Variants in PKN2 observed in about 807,000 individuals in gnomAD.
PKN2 encodes the protein protein kinase N2.
Under a neutral mutation model 119.1 loss-of-function variants are expected in PKN2, and 38 were observed. That is an observed-to-expected ratio of 0.32 (90% confidence interval 0.25 to 0.42). The LOEUF is 0.42. PKN2 is among the 10% of genes least tolerant of loss of function. The probability of loss-of-function intolerance (pLI) is 1.00; values close to 1 mark genes in which losing one functional copy is unlikely to be tolerated. For missense variants in PKN2, 850 were observed against 1,165.1 expected (o/e 0.73, Z 3.94); for synonymous variants, 390 against 384.9 (o/e 1.01, Z -0.15).
At chr1:88,762,161 C>T (rs907994107) in intron 3 of PKN2, among the ~76,000 whole-genome samples, 1 of 152,090 alleles carries the variant, frequency 6.6e-6, no homozygotes, top group African/African-American at 2.4e-5. Flanking sequence ...GTCTTTAATC[C>T]ACAAAAGATT....
intron 2 of PKN2, among the ~76,000 whole-genome samples, chr1:88,754,398 A>C (rs1169801260): frequency 3.3e-5 from 5 of 152,178 alleles, no homozygotes; most frequent in Admixed American, 3.3e-4. Context: ...CAGAGGAAAA[A>C]CAGATGTGAA....
intron 1 of PKN2, among the ~76,000 whole-genome samples, chr1:88,729,962 G>A (rs1668071177): frequency 1.3e-5 from 2 of 152,046 alleles, no homozygotes; most frequent in Non-Finnish European, 2.9e-5. Context: ...TCAGGAGAGC[G>A]AGACCATCCG....
chr1:88,762,760 C>T (rs928495763), intron 3 of PKN2, among the ~76,000 whole-genome samples: 1 of 151,992 alleles, frequency 6.6e-6, no homozygotes, highest in South Asian at 2.1e-4. Flanking sequence ...CATTTAACTG[C>T]CAATAAAATC....
At chr1:88,766,863 T>G (rs1669686669) in intron 3 of PKN2, among the ~76,000 whole-genome samples, 1 of 152,164 alleles carries the variant, frequency 6.6e-6, no homozygotes, top group Non-Finnish European at 1.5e-5. Context: ...ATTTTAAAAG[T>G]TTCATCATAC....
intron 6 of PKN2, among the ~76,000 whole-genome samples, chr1:88,776,599 G>A (rs1351000908): frequency 6.6e-6 from 1 of 151,956 alleles, no homozygotes; most frequent in Non-Finnish European, 1.5e-5. Context: ...AATTAGCCAG[G>A]CATGATGGCG....
At chr1:88,720,016 A>G (rs997571927) in intron 1 of PKN2, among the ~76,000 whole-genome samples, 4 of 152,002 alleles carry the variant, frequency 2.6e-5, no homozygotes, top group African/African-American at 7.3e-5. Context: ...CTAGGAGTCA[A>G]AATGTTTTTT....
At chr1:88,793,158 G>C (rs1670915838) in intron 8 of PKN2, among the ~76,000 whole-genome samples, 1 of 152,100 alleles carries the variant, frequency 6.6e-6, no homozygotes, top group Admixed American at 6.5e-5. Flanking sequence ...CTTGATGTTT[G>C]TTTATATTTC....
chr1:88,716,048 T>C (rs11803834), intron 1 of PKN2, among the ~76,000 whole-genome samples: 157 of 152,304 alleles, frequency 1.0e-3, no homozygotes, highest in African/African-American at 3.7e-3. Flanking sequence ...TTTTTGTTAT[T>C]TACCCAGTAG....
intron 1 of PKN2, among the ~76,000 whole-genome samples, chr1:88,721,387 T>G (rs1667676127): frequency 6.6e-6 from 1 of 152,174 alleles, no homozygotes; most frequent in Non-Finnish European, 1.5e-5. Flanking sequence ...AGGGTCTCAG[T>G]TAAATTATAT....
intron 12 of PKN2, 142 bp downstream of exon 12, chr1:88,806,159 G>A: frequency 1.3e-6 from 1 of 796,084 alleles, no homozygotes; most frequent in Non-Finnish European, 1.9e-6. Context: ...TTTTGTTTTT[G>A]TTTTTGTTTT....
At chr1:88,765,836 C>T (rs1289619630) in intron 3 of PKN2, among the ~76,000 whole-genome samples, 1 of 152,142 alleles carries the variant, frequency 6.6e-6, no homozygotes, top group African/African-American at 2.4e-5. Context: ...CACTCTGTCG[C>T]CCAGGTTGTC....
At chr1:88,743,221 C>G (rs546576294) in intron 2 of PKN2, among the ~76,000 whole-genome samples, 1 of 152,102 alleles carries the variant, frequency 6.6e-6, no homozygotes, top group African/African-American at 2.4e-5. Flanking sequence ...GTATAAATTA[C>G]GTATGACAAA....
At chr1:88,783,353 G>A (rs1392610227) in intron 6 of PKN2, among the ~76,000 whole-genome samples, 1 of 152,100 alleles carries the variant, frequency 6.6e-6, no homozygotes, top group Non-Finnish European at 1.5e-5. Context: ...CCCCCTCCCT[G>A]CACTGTGTCC....
At chr1:88,787,338 TAGG>T (rs1670622731) in intron 8 of PKN2, among the ~76,000 whole-genome samples, 1 of 152,118 alleles carries the variant, frequency 6.6e-6, no homozygotes. Flanking sequence ...AATGACTAGC[TAGG>T]AGATTTTTCT....
intron 8 of PKN2, among the ~76,000 whole-genome samples, chr1:88,789,377 G>A (rs1324521323): frequency 6.6e-6 from 1 of 152,086 alleles, no homozygotes; most frequent in Admixed American, 6.6e-5. Flanking sequence ...ATTATAAGAA[G>A]TTAGCCGTGT....
At chr1:88,730,887 A>T (rs1331584910) in intron 1 of PKN2, among the ~76,000 whole-genome samples, 3 of 152,266 alleles carry the variant, frequency 2.0e-5, no homozygotes, top group Admixed American at 2.0e-4. Flanking sequence ...TTGCAGTATC[A>T]GAATTTATAC....
chr1:88,723,183 G>A (rs1182017459), intron 1 of PKN2, among the ~76,000 whole-genome samples: 2 of 151,548 alleles, frequency 1.3e-5, no homozygotes, highest in Non-Finnish European at 2.9e-5. Context: ...GCTCAACCTC[G>A]GCTCACTGCA....
At chr1:88,817,811 TAA>T (rs2100905473) in intron 16 of PKN2, among the ~76,000 whole-genome samples, 1 of 151,834 alleles carries the variant, frequency 6.6e-6, no homozygotes, top group African/African-American at 2.4e-5. Flanking sequence ...CTCAAAATAA[TAA>T]GAGCTATTTA....
chr1:88,720,716 G>A (rs975540639), intron 1 of PKN2, among the ~76,000 whole-genome samples: 123 of 152,042 alleles, frequency 8.1e-4, no homozygotes, highest in South Asian at 6.2e-4. Context: ...TGAGATTTTG[G>A]TGCACCCATC....
Sources: gnomAD v4.1 joint callset for allele counts (sites outside exome capture counted in the v4.1 genomes callset) on GRCh38, gnomAD v4.1.1 for gene constraint, MANE v1.5 for transcripts, NCBI Gene and HGNC (gene_info 2026-07-23, HGNC 2026-07-21) for gene names.